The following TSBP1 variants were observed in gnomAD, a reference collection of about 807,000 sequenced individuals.
The protein encoded by TSBP1 is testis expressed basic protein 1.
Under a neutral mutation model 68.8 loss-of-function variants are expected in TSBP1, and 56 were observed. The observed-to-expected ratio is 0.81, with a 90% CI of 0.66 to 1.02. TSBP1 has a LOEUF of 1.02. TSBP1 is among the 50% of genes least tolerant of loss of function. The probability of loss-of-function intolerance (pLI) is 0.00; values close to 1 mark genes in which losing one functional copy is unlikely to be tolerated. For missense variants in TSBP1, 502 were observed against 641.2 expected (o/e 0.78, Z 2.34); for synonymous variants, 171 against 208.7 (o/e 0.82, Z 1.56).
In TSBP1 at chr6:32,315,165, T is replaced by C. The variant is rs1466393150; in HGVS notation, c.580+607A>G. Among the ~76,000 whole-genome samples the C allele has an allele frequency of 6.6e-6, 1 of 152,168 alleles. No individual in the cohort carries two copies. Among genetic ancestry groups the C allele is most frequent in the Non-Finnish European group, 1.5e-5 (1 of 68,032 alleles). ...GAAAACTAGGACACAGTGTGAAAGG[T>C]GCTTTCACGAATTCTATATTAAATA... On this transcript the variant is annotated intron_variant, in intron 19 of 22. Coordinates refer to ENST00000612031, the Ensembl canonical transcript of TSBP1. This position sits in a 1 kb window ranked among gnomAD's most constrained non-coding sequence, Gnocchi z 5.4.
Position 32,365,354 on chromosome 6 carries a change from T to C in TSBP1, c.217+813A>G. The C allele has an allele frequency of 2.2e-6, 1 of 457,284 alleles. No homozygotes were observed. The highest frequency in any genetic ancestry group is 4.4e-6 in the Non-Finnish European group (1 of 227,096). The allele number at this position is 457,284 out of a possible 1,614,324, so 28.3% of individuals were successfully genotyped here. On this transcript the variant is annotated intron_variant, in intron 6 of 22. Transcript: ENST00000612031. This position sits in a 1 kb window ranked among gnomAD's most constrained non-coding sequence, Gnocchi z 4.3. ...CAAACTGACTGTGAGATGTTTCCTT[T>C]TGTTGTCCATGGTGGCTCATTTGGG...
At chr6:32,305,950 G>T (rs985000876) in intron 19 of TSBP1, among the ~76,000 whole-genome samples, 10 of 152,182 alleles carry the variant, frequency 6.6e-5, no homozygotes, top group Admixed American at 2.0e-4. Flanking sequence ...CATAGCAGGA[G>T]TTTAAGGGGC....
At chr6:32,351,338 G>A (rs1010186296) in intron 8 of TSBP1, among the ~76,000 whole-genome samples, 2 of 152,112 alleles carry the variant, frequency 1.3e-5, no homozygotes, top group African/African-American at 2.4e-5. Context: ...TGAAGATGGT[G>A]GAGTCATTAG....
In TSBP1 at chr6:32,313,012, T is replaced by C. The variant is rs57643019; in HGVS notation, c.580+2760A>G. Among the ~76,000 whole-genome samples the C allele has an allele frequency of 8.2e-3, 1,254 of 152,268 alleles. 17 individuals carry two copies. The highest frequency in any genetic ancestry group is 0.024 in the African/African-American group (1,015 of 41,574). ...CAAGCCCTTCAGTTACTTCTCATGA[T>C]GCCTAGAATGAAATCTGCAATTTTT... On this transcript the variant is annotated intron_variant, in intron 19 of 22. Transcript: ENST00000612031.
intron 19 of TSBP1, among the ~76,000 whole-genome samples, chr6:32,307,309 G>A (rs1163385386): frequency 1.3e-5 from 2 of 151,850 alleles, no homozygotes; most frequent in Non-Finnish European, 2.9e-5. Context: ...TCACAATTTT[G>A]TTTGTAACCT....
At position 32,365,940 on chromosome 6, in the gene TSBP1, T is replaced by C. The variant is rs1291290523; in HGVS notation, c.217+227A>G. On this transcript the variant is annotated intron_variant, in intron 6 of 22. Transcript: ENST00000612031. The surrounding 1 kb of genome is among the most constrained non-coding windows in gnomAD (Gnocchi z 4.3). Reference sequence around the variant, plus strand: ...CTGATGCCTTTCTCTCATATTACTTTTGTTAAATAATTAGGAGTTGGATAG... The same window carrying C: ...CTGATGCCTTTCTCTCATATTACTTCTGTTAAATAATTAGGAGTTGGATAG... 1 of 663,098 alleles carries C rather than the reference T, an allele frequency of 1.5e-6. No individual in the cohort carries two copies. Among genetic ancestry groups the C allele is most frequent in the South Asian group, 1.5e-5 (1 of 66,644 alleles). 41.1% of individuals were successfully genotyped at this position (663,098 alleles called of 1,614,324 possible). A position where few individuals can be genotyped will look rare whatever the true frequency, so the allele number is the denominator to read the frequency against.
chr6:32,364,384 T>C (rs1173753379), intron 6 of TSBP1, among the ~76,000 whole-genome samples: 2 of 151,314 alleles, frequency 1.3e-5, no homozygotes, highest in Non-Finnish European at 2.9e-5. Flanking sequence ...CCATAAATCT[T>C]GTACATATTT....
intron 18 of TSBP1, among the ~76,000 whole-genome samples, chr6:32,317,096 A>G (rs1767042389): frequency 6.6e-6 from 1 of 152,158 alleles, no homozygotes; most frequent in Non-Finnish European, 1.5e-5. Context: ...GTATGGCACT[A>G]GTAGGAAATA....
rs183025296 is a variant in TSBP1, at chr6:32,304,362, C to T, written c.581-1733G>A. Among the ~76,000 whole-genome samples, 561 of 147,500 alleles carry T rather than the reference C, an allele frequency of 3.8e-3. 6 individuals carry two copies. Among genetic ancestry groups the T allele is most frequent in the African/African-American group, 0.012 (482 of 39,880 alleles). ...ACCAATTGCTAAAAATAAAATAAAA[C>T]AAATCAGTTTTTTTTTAAATTATGT... On this transcript the variant is annotated intron_variant, in intron 19 of 22. Coordinates refer to ENST00000612031, the Ensembl canonical transcript of TSBP1. This position sits in a 1 kb window ranked among gnomAD's most constrained non-coding sequence, Gnocchi z 4.8.
chr6:32,303,140 G>T (rs1765465943), intron 19 of TSBP1, among the ~76,000 whole-genome samples: 1 of 151,290 alleles, frequency 6.6e-6, no homozygotes, highest in South Asian at 2.1e-4. Flanking sequence ...CTACCCTAGG[G>T]TGGTTTACTT....
chr6:32,344,367 G>T (rs1770732284), intron 9 of TSBP1, among the ~76,000 whole-genome samples: 1 of 148,720 alleles, frequency 6.7e-6, no homozygotes, highest in African/African-American at 2.5e-5. Flanking sequence ...ACAAACTAAA[G>T]CCCTGTGTTC....
At chr6:32,323,322 A>T (rs1767847334) in intron 17 of TSBP1, 185 bp from the exon 19 acceptor site, 3 of 661,900 alleles carry the variant, frequency 4.5e-6, no homozygotes, top group Non-Finnish European at 8.2e-6. Flanking sequence ...GATTGGTGGA[A>T]TTATTCTAAG....
Position 32,302,477 on chromosome 6 carries a change from C to A in TSBP1, c.601+132G>T. 1.4e-6 allele frequency: 1 copy of A among 719,264 alleles called. No homozygotes were observed. Among genetic ancestry groups the A allele is most frequent in the Non-Finnish European group, 2.4e-6 (1 of 408,924 alleles). The allele number at this position is 719,264 out of a possible 1,614,324, so 44.6% of individuals were successfully genotyped here. On this transcript the variant is annotated intron_variant, in intron 20 of 22. Transcript: ENST00000612031. The surrounding 1 kb of genome is among the most constrained non-coding windows in gnomAD (Gnocchi z 5.1). ...TCAGAACAAAACAAAACCAAAAACA[C>A]CAAACAAACCAAAAAACACAAAAAC... is the stretch of plus-strand genomic sequence containing the variant.
rs1380048206 is a variant in TSBP1, at chr6:32,325,353, C to T, written c.515-1739G>A. On this transcript the variant is annotated intron_variant, in intron 16 of 22. Coordinates refer to ENST00000612031, the Ensembl canonical transcript of TSBP1. The surrounding 1 kb of genome is among the most constrained non-coding windows in gnomAD (Gnocchi z 4.4). ...GAGGGACACTCCCGGACAGTGTGGTCATGAGAGATCCAAACCCAAGCACTC... is the reference window on the plus strand; with the variant it reads ...GAGGGACACTCCCGGACAGTGTGGTTATGAGAGATCCAAACCCAAGCACTC... 2.0e-6 allele frequency: 2 copies of T among 1,003,466 alleles called. No individual in the cohort carries two copies. The highest frequency in any genetic ancestry group is 3.1e-6 in the Non-Finnish European group (2 of 639,826). 62.2% of individuals were successfully genotyped at this position (1,003,466 alleles called of 1,614,324 possible). A position where few individuals can be genotyped will look rare whatever the true frequency, so the allele number is the denominator to read the frequency against.
chr6:32,307,777 G>GTT (rs746149474), intron 19 of TSBP1, among the ~76,000 whole-genome samples: 5 of 142,214 alleles, frequency 3.5e-5, no homozygotes, highest in Admixed American at 1.4e-4. Context: ...TTAATTGCCT[G>GTT]GTTTTTTTTT....
At chr6:32,368,688 G>A in intron 3 of TSBP1, 94 bp downstream of exon 3, 1 of 1,343,836 alleles carries the variant, frequency 7.4e-7, no homozygotes, top group Non-Finnish European at 1.0e-6. Flanking sequence ...GCAAGGTTCT[G>A]GAAACACAAC....
At chr6:32,347,562 A>G (rs1218975677) in intron 9 of TSBP1, among the ~76,000 whole-genome samples, 1 of 152,182 alleles carries the variant, frequency 6.6e-6, no homozygotes, top group Non-Finnish European at 1.5e-5. Flanking sequence ...TTGCCATCAT[A>G]AATAAATATG....
chr6:32,308,178 T>G (rs1365890104), intron 19 of TSBP1, among the ~76,000 whole-genome samples: 6 of 152,162 alleles, frequency 3.9e-5, no homozygotes, highest in Non-Finnish European at 8.8e-5. Flanking sequence ...CTTATTTTTT[T>G]ATAGGAAAAT....
At chr6:32,370,407 G>GTGTGTGTGTGTATATATATATA (rs1241237254) in intron 1 of TSBP1, among the ~76,000 whole-genome samples, 3 of 130,688 alleles carry the variant, frequency 2.3e-5, no homozygotes, top group Non-Finnish European at 3.3e-5. Context: ...AAGATTTTCT[G>GTGTGTGTGTGTATATATATATA]TATATATATA....
Sources: allele counts gnomAD v4.1 joint callset (sites outside exome capture counted in the v4.1 genomes callset), GRCh38; gene constraint gnomAD v4.1.1; non-coding constraint Gnocchi (gnomAD v3.1); transcripts MANE v1.5; gene names NCBI Gene and HGNC (gene_info 2026-07-23, HGNC 2026-07-21).